The following CFAP20DC variants were observed in gnomAD, a reference collection of about 807,000 sequenced individuals.
CFAP20DC encodes CFAP20 domain containing.
A neutral mutation model predicts 101.7 loss-of-function variants in CFAP20DC; 84 were observed. The observed-to-expected ratio is 0.83, with a 90% CI of 0.69 to 0.99. CFAP20DC has a LOEUF of 0.99. Among genes scored for constraint, CFAP20DC ranks in the 50% least tolerant of loss-of-function variants. CFAP20DC has a pLI of 0.00. For missense variants in CFAP20DC, 1,007 were observed against 970.3 expected (o/e 1.04, Z -0.50); for synonymous variants, 359 against 351.2 (o/e 1.02, Z -0.25).
intron 15 of CFAP20DC, among the ~76,000 whole-genome samples, chr3:58,791,844 G>T (rs1161466703): frequency 6.6e-6 from 1 of 152,122 alleles, no homozygotes; most frequent in Non-Finnish European, 1.5e-5. Flanking sequence ...AATCTGGAAG[G>T]TTTCACACCT....
intron 5 of CFAP20DC, among the ~76,000 whole-genome samples, chr3:58,926,449 A>G (rs1164626430): frequency 6.6e-6 from 1 of 152,302 alleles, no homozygotes; most frequent in African/African-American, 2.4e-5. Context: ...AAAACTCTCA[A>G]TCAAGTACCA....
Position 58,859,089 on chromosome 3 carries a change from G to A in CFAP20DC, c.1593+4469C>T, listed in dbSNP as rs985568896. On this transcript the variant is annotated intron_variant, in intron 12 of 16. Coordinates refer to ENST00000482387, the MANE Select transcript of CFAP20DC (RefSeq NM_001394063.1). This position sits in a 1 kb window ranked among gnomAD's most constrained non-coding sequence, Gnocchi z 4.1. The stretch of plus-strand genomic sequence containing the variant: ...AATTTCCTCTGGGTGACAAAGATAA[G>A]TGATAGTTGTGTCTTATAATACATT... 1.3e-5 allele frequency among the ~76,000 whole-genome samples: 2 copies of A among 152,172 alleles called. No individual in the cohort carries two copies. Among genetic ancestry groups the A allele is most frequent in the African/African-American group, 4.8e-5 (2 of 41,448 alleles).
chr3:58,972,933 T>C (rs1224986181), intron 4 of CFAP20DC, among the ~76,000 whole-genome samples: 1 of 152,212 alleles, frequency 6.6e-6, no homozygotes, highest in Non-Finnish European at 1.5e-5. Flanking sequence ...TTTTCACATT[T>C]GATTTCTGAA....
At chr3:58,780,685 A>C (rs1040899350) in intron 15 of CFAP20DC, among the ~76,000 whole-genome samples, 22 of 152,054 alleles carry the variant, frequency 1.4e-4, no homozygotes, top group African/African-American at 5.3e-4. Flanking sequence ...AAACACTAAA[A>C]AGAGACAAAC....
intron 7 of CFAP20DC, among the ~76,000 whole-genome samples, chr3:58,870,891 T>A (rs2080132040): frequency 1.9e-5 from 1 of 51,354 alleles, no homozygotes; most frequent in African/African-American, 9.1e-5. Context: ...CGAGACTCCG[T>A]CTCAAAAAAA....
intron 5 of CFAP20DC, among the ~76,000 whole-genome samples, chr3:58,929,147 G>A (rs1655556164): frequency 6.6e-6 from 1 of 152,154 alleles, no homozygotes; most frequent in South Asian, 2.1e-4. Flanking sequence ...TTTCAGTCAA[G>A]TTCACTTCCT....
chr3:58,900,963 TA>T (rs2107112567), intron 6 of CFAP20DC, among the ~76,000 whole-genome samples: 2 of 152,328 alleles, frequency 1.3e-5, no homozygotes, highest in East Asian at 3.9e-4. Context: ...CCCATTTTAT[TA>T]GGGGGAATGG....
chr3:58,872,003 T>C (rs1468015313), intron 7 of CFAP20DC, among the ~76,000 whole-genome samples: 2 of 152,170 alleles, frequency 1.3e-5, no homozygotes, highest in Admixed American at 1.3e-4. Flanking sequence ...GGTCCCTGAA[T>C]GACGACATAA....
Position 58,948,928 on chromosome 3 carries a change from T to C in CFAP20DC, c.279-11166A>G, listed in dbSNP as rs553862031. Among the ~76,000 whole-genome samples the C allele has an allele frequency of 4.6e-5, 7 of 152,330 alleles. No homozygotes were observed. The South Asian group carries it at 1.5e-3, about 32-fold the overall frequency. ...TGAATCCTTCTGGTCCTGGACTTTT[T>C]TTGGTTGGTAAGCTATTAATTATTG... On this transcript the variant is annotated intron_variant, in intron 4 of 16. Coordinates refer to ENST00000482387, the MANE Select transcript of CFAP20DC (RefSeq NM_001394063.1).
Position 58,799,975 on chromosome 3 carries a change from A to T in CFAP20DC, c.2237+6420T>A, listed in dbSNP as rs150257039. The stretch of plus-strand genomic sequence containing the variant: ...TTGGTTAAGAGAACTCCATCCAGGC[A>T]GCACTCCTAAGTGGGGACCAAGCCT... On this transcript the variant is annotated intron_variant, in intron 15 of 16. Coordinates refer to ENST00000482387, the MANE Select transcript of CFAP20DC (RefSeq NM_001394063.1). The surrounding 1 kb of genome is among the most constrained non-coding windows in gnomAD (Gnocchi z 4.9). 5.5e-3 allele frequency among the ~76,000 whole-genome samples: 844 copies of T among 152,326 alleles called. 8 individuals carry two copies. Among genetic ancestry groups the T allele is most frequent in the South Asian group, 0.019 (90 of 4,824 alleles).
At position 58,722,837 on chromosome 3, in the gene CFAP20DC, A is replaced by G. The variant is rs938920969; in HGVS notation, c.198-5209T>C. 1.3e-5 allele frequency among the ~76,000 whole-genome samples: 2 copies of G among 152,238 alleles called. No homozygotes were observed. The highest frequency in any genetic ancestry group is 4.8e-5 in the African/African-American group (2 of 41,454). ...GGATTCAGTGTCAGCAGAATATAGC[A>G]GCTGCCTCCCAGCAGAACTGTCTGT... On this transcript the variant is annotated intron_variant, in intron 3 of 3. Coordinates refer to the CFAP20DC transcript ENST00000486145. The surrounding 1 kb of genome is among the most constrained non-coding windows in gnomAD (Gnocchi z 4.5).
At chr3:58,766,508 C>T (rs1203213967) in intron 15 of CFAP20DC, among the ~76,000 whole-genome samples, 3 of 152,200 alleles carry the variant, frequency 2.0e-5, no homozygotes, top group African/African-American at 4.8e-5. Context: ...TTCACTCATC[C>T]TGGCTTCATT....
chr3:59,019,049 A>T (rs562273999), intron 4 of CFAP20DC: 1 of 152,150 alleles, frequency 6.6e-6, no homozygotes, highest in South Asian at 2.1e-4. Context: ...CTATTTTTGT[A>T]ACTTTTCTTT....
chr3:58,963,686 T>C (rs952380039), intron 4 of CFAP20DC, among the ~76,000 whole-genome samples: 10 of 152,160 alleles, frequency 6.6e-5, no homozygotes, highest in Non-Finnish European at 1.3e-4. Context: ...TATGCTCATT[T>C]TGGAAAATCT....
chr3:59,045,371 G>A (rs2109304422), intron 3 of CFAP20DC, among the ~76,000 whole-genome samples: 1 of 151,892 alleles, frequency 6.6e-6, no homozygotes, highest in Non-Finnish European at 1.5e-5. Context: ...GAAGGAATAA[G>A]TAAATGATGA....
chr3:58,997,681 G>C (rs1435650581), intron 4 of CFAP20DC, among the ~76,000 whole-genome samples: 4 of 152,280 alleles, frequency 2.6e-5, no homozygotes, highest in African/African-American at 9.6e-5. Context: ...CCTGGGCTTG[G>C]AAGAATGAAT....
chr3:58,739,456 T>G (rs9880230), downstream of CFAP20DC, among the ~76,000 whole-genome samples: 444 of 152,376 alleles, frequency 2.9e-3, 3 homozygotes, highest in African/African-American at 0.01. Context: ...TAAAAATGTT[T>G]GGTACACACT....
At chr3:58,805,849 C>T (rs778017066) in intron 15 of CFAP20DC, among the ~76,000 whole-genome samples, 1 of 152,040 alleles carries the variant, frequency 6.6e-6, no homozygotes, top group Non-Finnish European at 1.5e-5. Context: ...GACTCATACA[C>T]CAATGACATT....
chr3:58,846,586 T>C (rs2077663038), intron 13 of CFAP20DC, among the ~76,000 whole-genome samples: 1 of 150,304 alleles, frequency 6.7e-6, no homozygotes, highest in Non-Finnish European at 1.5e-5. Flanking sequence ...ATGGCCATAC[T>C]GCCCAAGGTA....
Sources: gnomAD v4.1 joint callset for allele counts (sites outside exome capture counted in the v4.1 genomes callset) on GRCh38, gnomAD v4.1.1 for gene constraint, Gnocchi (gnomAD v3.1) non-coding constraint, MANE v1.5 for transcripts, NCBI Gene and HGNC (gene_info 2026-07-23, HGNC 2026-07-21) for gene names.